ABCC9: variants seen among roughly 807,000 people sequenced by gnomAD.
The protein encoded by ABCC9 is ATP-binding cassette sub-family C member 9.
In ABCC9, 95 loss-of-function variants were observed where a neutral mutation model predicts 188.3. The ratio of observed to expected loss-of-function variants is 0.50; its 90% CI spans 0.43 to 0.60. ABCC9 has a LOEUF of 0.60. Among genes scored for constraint, ABCC9 ranks in the 20% least tolerant of loss-of-function variants. ABCC9 has a pLI of 0.00. For synonymous variants in ABCC9, 659 were observed against 652.7 expected, an observed-to-expected ratio of 1.01 and a Z score of -0.15; for missense variants, 1,102 against 1,876.3, an observed-to-expected ratio of 0.59 and a Z score of 7.62.
intron 16 of ABCC9, 152 bp from the exon 17 acceptor site, chr12:21,875,878 A>T (rs372915798): frequency 5.0e-6 from 3 of 601,916 alleles, no homozygotes; most frequent in Middle Eastern, 4.6e-4. Context: ...AGGTCAGGAG[A>T]TCGAGATCAT....
chr12:21,887,221 G>A (rs1292437370), intron 15 of ABCC9, among the ~76,000 whole-genome samples: 1 of 152,076 alleles, frequency 6.6e-6, no homozygotes, highest in Non-Finnish European at 1.5e-5. Flanking sequence ...TATGTTTCTA[G>A]ATTTTATGTA....
chr12:21,934,742 GA>G (rs912323126), intron 3 of ABCC9, among the ~76,000 whole-genome samples: 2 of 151,784 alleles, frequency 1.3e-5, no homozygotes, highest in African/African-American at 2.4e-5. Context: ...TTTGACTGTA[GA>G]AAAAAAGCCC....
At chr12:21,911,487 A>G (rs1464790663) in intron 8 of ABCC9, among the ~76,000 whole-genome samples, 1 of 152,012 alleles carries the variant, frequency 6.6e-6, no homozygotes, top group Non-Finnish European at 1.5e-5. Flanking sequence ...TCACCCATGC[A>G]ACACTACCAG....
At chr12:21,900,807 A>G (rs940419405) in intron 12 of ABCC9, among the ~76,000 whole-genome samples, 9 of 152,230 alleles carry the variant, frequency 5.9e-5, no homozygotes, top group Non-Finnish European at 1.0e-4. Flanking sequence ...GACTATATGA[A>G]AAGACCAAAT....
intron 12 of ABCC9, among the ~76,000 whole-genome samples, chr12:21,904,925 C>G (rs754411340): frequency 2.0e-5 from 3 of 152,216 alleles, no homozygotes; most frequent in Non-Finnish European, 2.9e-5. Context: ...AATCCCATTA[C>G]TGGGTATATA....
intron 30 of ABCC9, among the ~76,000 whole-genome samples, chr12:21,831,435 A>T (rs1943754858): frequency 6.6e-6 from 1 of 152,118 alleles, no homozygotes; most frequent in Non-Finnish European, 1.5e-5. Flanking sequence ...ACAAGACATG[A>T]CCTACTCCCT....
chr12:21,929,117 T>C (rs1028346353), intron 4 of ABCC9, among the ~76,000 whole-genome samples: 7 of 152,238 alleles, frequency 4.6e-5, no homozygotes, highest in African/African-American at 1.7e-4. Flanking sequence ...ACAGATTAAA[T>C]AGTATAAAAA....
chr12:21,833,268 T>C (rs1943879093), intron 30 of ABCC9, among the ~76,000 whole-genome samples: 1 of 152,010 alleles, frequency 6.6e-6, no homozygotes, highest in Non-Finnish European at 1.5e-5. Context: ...AAAAAACCTA[T>C]TGAAATAAAT....
At chr12:21,852,246 A>G in intron 23 of ABCC9, 24 bp from the exon 24 acceptor site, 1 of 1,613,788 alleles carries the variant, frequency 6.2e-7, no homozygotes, top group Non-Finnish European at 8.5e-7. Context: ...ATATTCCCAG[A>G]AATGTGACGA....
intron 12 of ABCC9, among the ~76,000 whole-genome samples, chr12:21,901,548 T>C (rs955613076): frequency 6.6e-6 from 1 of 152,258 alleles, no homozygotes; most frequent in East Asian, 1.9e-4. Context: ...GTGTGCTGTA[T>C]TCAGGAAACC....
intron 5 of ABCC9, chr12:21,923,736 C>A: frequency 3.2e-6 from 2 of 633,520 alleles, no homozygotes; most frequent in Non-Finnish European, 2.8e-6. Context: ...GAACATTTAC[C>A]CACTTATTGT....
intron 14 of ABCC9, among the ~76,000 whole-genome samples, chr12:21,890,720 A>G (rs1222987697): frequency 1.3e-5 from 2 of 152,006 alleles, no homozygotes; most frequent in Non-Finnish European, 2.9e-5. Context: ...TATCGCAAGG[A>G]CAAAAAACGA....
At position 21,936,514 on chromosome 12, in the gene ABCC9, A is replaced by T. The variant is rs547603072; in HGVS notation, c.142+19T>A. 6.6e-5 allele frequency: 105 copies of T among 1,589,814 alleles called. 1 individual carries two copies. In the South Asian group the frequency reaches 1.1e-3, roughly 17 times the overall value. ...ATATAAACATCAAATGGTATAACAT[A>T]AGATACTAGATTACTTACCAATAAA... is the stretch of plus-strand genomic sequence containing the variant. On this transcript the variant is annotated intron_variant, in intron 3 of 39. Transcript: ENST00000261200.
intron 17 of ABCC9, 31 bp downstream of exon 17, chr12:21,875,623 A>T (rs1400594138): frequency 6.6e-7 from 1 of 1,516,150 alleles, no homozygotes. Flanking sequence ...GTCATGAACA[A>T]TTACAAAAAT....
chr12:21,889,443 C>T (rs1230688720), intron 14 of ABCC9, among the ~76,000 whole-genome samples: 4 of 152,114 alleles, frequency 2.6e-5, no homozygotes, highest in East Asian at 3.9e-4. Context: ...TTTTAAGAAG[C>T]GCAGCTCTGT....
At position 21,828,881 on chromosome 12, in the gene ABCC9, T is replaced by C. The variant is rs549348644; in HGVS notation, c.3669+77A>G. 138 of 1,220,766 alleles carry C rather than the reference T, an allele frequency of 1.1e-4. 2 individuals carry two copies. In the South Asian group the frequency reaches 1.5e-3, roughly 14 times the overall value. The allele number at this position is 1,220,766 out of a possible 1,614,324, so 75.6% of individuals were successfully genotyped here. A position where few individuals can be genotyped will look rare whatever the true frequency, so the allele number is the denominator to read the frequency against. Reference sequence around the variant, plus strand: ...TGCCGAATCTCAGTGGAATACTAATTTTTACAACTGTCTGCCTCTTTGCAG... The same window carrying C: ...TGCCGAATCTCAGTGGAATACTAATCTTTACAACTGTCTGCCTCTTTGCAG... On this transcript the variant is annotated intron_variant, in intron 31 of 39. Transcript: ENST00000261200.
chr12:21,932,791 T>G (rs1047825054), intron 4 of ABCC9, among the ~76,000 whole-genome samples: 1 of 151,934 alleles, frequency 6.6e-6, no homozygotes, highest in African/African-American at 2.4e-5. Flanking sequence ...TTTGTTGGAG[T>G]GTAAATTAGT....
At chr12:21,814,299 G>A (rs953924340) in intron 35 of ABCC9, among the ~76,000 whole-genome samples, 4 of 152,128 alleles carry the variant, frequency 2.6e-5, no homozygotes, top group Admixed American at 2.6e-4. Flanking sequence ...CATACATTTA[G>A]TCTAAAGGAA....
intron 30 of ABCC9, among the ~76,000 whole-genome samples, chr12:21,835,131 A>G (rs1944003406): frequency 6.6e-6 from 1 of 152,180 alleles, no homozygotes. Flanking sequence ...GACTGGGAAC[A>G]GAATTCAAAC....
Sources: allele counts gnomAD v4.1 joint callset (sites outside exome capture counted in the v4.1 genomes callset), GRCh38; gene constraint gnomAD v4.1.1; transcripts MANE v1.5; gene names NCBI Gene and HGNC (gene_info 2026-07-23, HGNC 2026-07-21).